The following ROBO2 variants were observed in gnomAD, a reference collection of about 807,000 sequenced individuals.
ROBO2 encodes roundabout guidance receptor 2, also known as roundabout homolog 2.
A neutral mutation model predicts 160.8 loss-of-function variants in ROBO2; 53 were observed. The observed-to-expected ratio is 0.33, with a 90% CI of 0.26 to 0.41. The LOEUF (loss-of-function observed/expected upper bound fraction) is 0.41. Among genes scored for constraint, ROBO2 ranks in the 10% least tolerant of loss-of-function variants. The pLI is 1.00. For synonymous variants in ROBO2, 664 were observed against 611.7 expected (o/e 1.09, Z -1.26); for missense variants, 1,577 against 1,722.4 (o/e 0.92, Z 1.49).
intron 2 of ROBO2, among the ~76,000 whole-genome samples, chr3:76,337,680 G>C (rs1186150627): frequency 2.0e-5 from 3 of 152,254 alleles, no homozygotes; most frequent in African/African-American, 7.2e-5. Context: ...CTGAAGAATA[G>C]AGGTGTGAAA....
chr3:76,670,364 G>A (rs565531706), intron 2 of ROBO2, among the ~76,000 whole-genome samples: 1 of 151,208 alleles, frequency 6.6e-6, no homozygotes, highest in Non-Finnish European at 1.5e-5. Flanking sequence ...GTGTTTCTAG[G>A]CTAGTTTTGC....
intron 2 of ROBO2, among the ~76,000 whole-genome samples, chr3:76,135,536 C>G (rs1453233487): frequency 6.6e-6 from 1 of 152,004 alleles, no homozygotes; most frequent in Non-Finnish European, 1.5e-5. Flanking sequence ...TAATTTTGTT[C>G]AGTAAAGGGA....
At chr3:76,541,047 G>T (rs746359729) in intron 2 of ROBO2, among the ~76,000 whole-genome samples, 6 of 152,246 alleles carry the variant, frequency 3.9e-5, no homozygotes, top group Non-Finnish European at 5.9e-5. Context: ...TGATCTGCCC[G>T]CCTCGGCCTC....
intron 2 of ROBO2, among the ~76,000 whole-genome samples, chr3:77,158,924 A>G (rs937583619): frequency 6.6e-6 from 1 of 152,110 alleles, no homozygotes; most frequent in African/African-American, 2.4e-5. Context: ...CCACATTTTC[A>G]CCGTTTACCC....
chr3:76,777,575 GT>G (rs1315243299), intron 2 of ROBO2, among the ~76,000 whole-genome samples: 2 of 150,170 alleles, frequency 1.3e-5, no homozygotes, highest in Non-Finnish European at 3.0e-5. Context: ...TTAACAAAAC[GT>G]TTTTTCTATA....
intron 2 of ROBO2, among the ~76,000 whole-genome samples, chr3:76,665,456 G>C (rs528430004): frequency 6.6e-5 from 10 of 151,590 alleles, no homozygotes; most frequent in Non-Finnish European, 1.5e-4. Context: ...TATCTGTTTT[G>C]TTCTTGTCAA....
At chr3:76,268,743 T>C (rs1286443935) in intron 2 of ROBO2, among the ~76,000 whole-genome samples, 3 of 152,164 alleles carry the variant, frequency 2.0e-5, no homozygotes. Context: ...TATCATCATT[T>C]CCTCCTCTCT....
intron 2 of ROBO2, among the ~76,000 whole-genome samples, chr3:76,385,149 C>G (rs1053125208): frequency 2.0e-5 from 3 of 151,992 alleles, no homozygotes; most frequent in Admixed American, 1.3e-4. Context: ...CATGCACCAC[C>G]ATGTCTGGCT....
intron 2 of ROBO2, among the ~76,000 whole-genome samples, chr3:76,606,588 T>G (rs2087675982): frequency 6.6e-6 from 1 of 152,184 alleles, no homozygotes; most frequent in African/African-American, 2.4e-5. Context: ...CAGAAATACC[T>G]TGGGGAAAGC....
At chr3:76,749,972 A>C (rs150240176) in intron 2 of ROBO2, among the ~76,000 whole-genome samples, 116 of 152,244 alleles carry the variant, frequency 7.6e-4, no homozygotes, top group African/African-American at 2.6e-3. Context: ...CCTGATACCA[A>C]AGCCGGGCAG....
intron 2 of ROBO2, among the ~76,000 whole-genome samples, chr3:76,261,490 T>C (rs758278652): frequency 6.6e-6 from 1 of 152,036 alleles, no homozygotes; most frequent in Non-Finnish European, 1.5e-5. Context: ...GTTCACAATT[T>C]GGATTTAATA....
rs144261335 is a variant in ROBO2 at position 77,547,051 on chromosome 3, T to C, written c.1059+589T>C. On this transcript the variant is annotated intron_variant, in intron 7 of 25. Transcript: ENST00000461745. ...TACATAGTACACTAGAAGGAACCCATACCTGTCTTGTCTTTGTTCTGCCCT... is the reference window on the plus strand; with the variant it reads ...TACATAGTACACTAGAAGGAACCCACACCTGTCTTGTCTTTGTTCTGCCCT... 4.8e-3 allele frequency among the ~76,000 whole-genome samples: 730 copies of C among 152,180 alleles called. 5 individuals are homozygous for C. The highest frequency in any genetic ancestry group is 6.6e-3 in the Non-Finnish European group (446 of 67,990).
chr3:77,469,538 A>T (rs2083139733), intron 2 of ROBO2, among the ~76,000 whole-genome samples: 1 of 152,044 alleles, frequency 6.6e-6, no homozygotes, highest in Non-Finnish European at 1.5e-5. Context: ...AGTGACCATC[A>T]TTGTTTTTTC....
intron 2 of ROBO2, among the ~76,000 whole-genome samples, chr3:77,113,647 C>T (rs966152697): frequency 6.6e-6 from 1 of 152,244 alleles, no homozygotes; most frequent in African/African-American, 2.4e-5. Context: ...GAAAGAGAGA[C>T]AAGGAGCGGT....
At chr3:77,039,321 G>T (rs2063837249), upstream of ROBO2, among the ~76,000 whole-genome samples, 1 of 152,208 alleles carries the variant, frequency 6.6e-6, no homozygotes, top group South Asian at 2.1e-4. Context: ...GCTAAAAGGT[G>T]AAGAGTGAGT....
chr3:76,919,407 G>A (rs1577480478), intron 2 of ROBO2, among the ~76,000 whole-genome samples: 1 of 152,126 alleles, frequency 6.6e-6, no homozygotes, highest in East Asian at 1.9e-4. Flanking sequence ...ATATAGAGCT[G>A]AACATTCTTA....
chr3:76,115,753 A>G (rs1319816459), intron 2 of ROBO2, among the ~76,000 whole-genome samples: 1 of 152,114 alleles, frequency 6.6e-6, no homozygotes, highest in Non-Finnish European at 1.5e-5. Context: ...ATGAATTTCA[A>G]CATTTCTGCT....
intron 2 of ROBO2, among the ~76,000 whole-genome samples, chr3:76,394,239 T>G (rs1253579564): frequency 6.6e-6 from 1 of 152,210 alleles, no homozygotes; most frequent in African/African-American, 2.4e-5. Flanking sequence ...CTTTACATTT[T>G]GTCATGATTT....
At chr3:77,320,750 G>A (rs1201431594) in intron 2 of ROBO2, among the ~76,000 whole-genome samples, 2 of 152,038 alleles carry the variant, frequency 1.3e-5, no homozygotes, top group African/African-American at 4.8e-5. Context: ...CCCTCTAGTG[G>A]CAAAAACTGG....
Sources: gnomAD v4.1 joint callset for allele counts (sites outside exome capture counted in the v4.1 genomes callset) on GRCh38, gnomAD v4.1.1 for gene constraint, MANE v1.5 for transcripts, NCBI Gene and HGNC (gene_info 2026-07-23, HGNC 2026-07-21) for gene names.